SYN3: variants seen among roughly 807,000 people sequenced by gnomAD.
SYN3 encodes synapsin-3.
Under a neutral mutation model 65.8 loss-of-function variants are expected in SYN3, and 35 were observed. The ratio of observed to expected loss-of-function variants is 0.53; its 90% CI spans 0.41 to 0.70. The LOEUF (loss-of-function observed/expected upper bound fraction) is 0.70. SYN3 is among the 30% of genes least tolerant of loss of function. The pLI, the probability that SYN3 is intolerant of heterozygous loss-of-function variation, is 0.00. For missense variants in SYN3, 680 were observed against 749.0 expected (o/e 0.91, Z 1.08); for synonymous variants, 270 against 292.9 (o/e 0.92, Z 0.80).
chr22:32,776,836 G>A (rs1186866415), intron 6 of SYN3, among the ~76,000 whole-genome samples: 5 of 152,164 alleles, frequency 3.3e-5, no homozygotes, highest in Non-Finnish European at 4.4e-5. Context: ...AGCTGGCCAT[G>A]GCAAGGCTAC....
At chr22:33,043,855 C>A (rs2054008964) in intron 1 of SYN3, among the ~76,000 whole-genome samples, 1 of 152,106 alleles carries the variant, frequency 6.6e-6, no homozygotes, top group Non-Finnish European at 1.5e-5. Flanking sequence ...GAGATCGAGA[C>A]CATCCTGGCC....
chr22:32,947,055 G>A (rs142785142), intron 3 of SYN3, among the ~76,000 whole-genome samples: 2 of 152,272 alleles, frequency 1.3e-5, no homozygotes, highest in East Asian at 1.9e-4. Flanking sequence ...CGAATAAATG[G>A]TGGAAAAGGG....
chr22:32,889,048 C>T (rs1480107973), intron 4 of SYN3, among the ~76,000 whole-genome samples: 3 of 152,178 alleles, frequency 2.0e-5, no homozygotes, highest in Non-Finnish European at 4.4e-5. Flanking sequence ...ACATGGCATC[C>T]CAAAGGGTGC....
At chr22:32,768,659 G>A (rs1462417801) in intron 6 of SYN3, among the ~76,000 whole-genome samples, 2 of 150,876 alleles carry the variant, frequency 1.3e-5, no homozygotes, top group East Asian at 3.9e-4. Context: ...TTTTTCTCTT[G>A]GTTGCAAAAA....
At chr22:32,696,490 T>C (rs2060738481) in intron 6 of SYN3, among the ~76,000 whole-genome samples, 1 of 152,238 alleles carries the variant, frequency 6.6e-6, no homozygotes, top group African/African-American at 2.4e-5. Context: ...TTCATTCTTT[T>C]TGTTGCTTTC....
intron 3 of SYN3, among the ~76,000 whole-genome samples, chr22:32,951,501 CA>C (rs1490935485): frequency 6.6e-6 from 1 of 152,232 alleles, no homozygotes; most frequent in Non-Finnish European, 1.5e-5. Flanking sequence ...AGAAGCTCTG[CA>C]GGGCAGAGAT....
intron 1 of SYN3, among the ~76,000 whole-genome samples, chr22:33,023,473 C>T (rs1467427032): frequency 6.6e-6 from 1 of 152,202 alleles, no homozygotes; most frequent in East Asian, 1.9e-4. Flanking sequence ...GTTCATTAAA[C>T]CCCTTTCCTT....
intron 6 of SYN3, among the ~76,000 whole-genome samples, chr22:32,680,488 T>C (rs2060508319): frequency 1.3e-5 from 2 of 152,208 alleles, no homozygotes; most frequent in Non-Finnish European, 2.9e-5. Context: ...GTTTTTCAAA[T>C]CAAGACACCT....
intron 4 of SYN3, among the ~76,000 whole-genome samples, chr22:32,913,510 C>T (rs1241665711): frequency 1.3e-5 from 2 of 151,706 alleles, no homozygotes; most frequent in Non-Finnish European, 2.9e-5. Context: ...CTCTCTGGCT[C>T]CTGTGTAGAG....
intron 3 of SYN3, among the ~76,000 whole-genome samples, chr22:32,936,863 T>C (rs1056754463): frequency 2.6e-5 from 4 of 152,216 alleles, no homozygotes; most frequent in Non-Finnish European, 4.4e-5. Flanking sequence ...GAAAGTCCCA[T>C]GTCTTGGAAA....
intron 6 of SYN3, among the ~76,000 whole-genome samples, chr22:32,729,596 T>C (rs1309397360): frequency 6.6e-6 from 1 of 152,230 alleles, no homozygotes; most frequent in Non-Finnish European, 1.5e-5. Context: ...GTACAAATAC[T>C]TCCTCTTTTA....
At chr22:32,935,350 T>C (rs767170640) in intron 3 of SYN3, among the ~76,000 whole-genome samples, 8 of 151,342 alleles carry the variant, frequency 5.3e-5, no homozygotes, top group Non-Finnish European at 1.2e-4. Flanking sequence ...TATTCACCTA[T>C]ATCGCAAAAA....
chr22:33,000,464 C>G (rs1469998257), intron 2 of SYN3, among the ~76,000 whole-genome samples: 1 of 152,134 alleles, frequency 6.6e-6, no homozygotes, highest in African/African-American at 2.4e-5. Context: ...TCAAGGGACC[C>G]AGGCTGACTC....
In SYN3 at chr22:33,013,027, T is replaced by C. The variant is rs375743606; in HGVS notation, c.-162-6203A>G. Reference sequence around the variant, plus strand: ...TCAACTTAGGCTATGCCGTCATTACTGGAACTGAGCCCCTTCCATTTTTCA... The same window carrying C: ...TCAACTTAGGCTATGCCGTCATTACCGGAACTGAGCCCCTTCCATTTTTCA... On this transcript the variant is annotated intron_variant, in intron 1 of 13. Coordinates refer to ENST00000358763, the MANE Select transcript of SYN3 (RefSeq NM_003490.4). 2.0e-5 allele frequency among the ~76,000 whole-genome samples: 3 copies of C among 152,354 alleles called. No homozygotes were observed. In the East Asian group the frequency reaches 5.8e-4, roughly 29 times the overall value.
chr22:32,678,710 C>T (rs1290808040), intron 6 of SYN3, among the ~76,000 whole-genome samples: 1 of 152,030 alleles, frequency 6.6e-6, no homozygotes, highest in Admixed American at 6.6e-5. Flanking sequence ...AAGCATTTGA[C>T]TAAGGAGCCA....
intron 3 of SYN3, among the ~76,000 whole-genome samples, chr22:32,976,586 G>A (rs2052194687): frequency 1.3e-5 from 2 of 152,138 alleles, no homozygotes; most frequent in South Asian, 2.1e-4. Context: ...TATAAACAGA[G>A]GAGAGTTTGA....
At chr22:32,695,565 G>C (rs2147176077) in intron 6 of SYN3, among the ~76,000 whole-genome samples, 1 of 152,266 alleles carries the variant, frequency 6.6e-6, no homozygotes, top group Non-Finnish European at 1.5e-5. Flanking sequence ...GTCAGTGTGG[G>C]TCACCAGAAA....
At chr22:32,594,750 A>T (rs537953967) in intron 7 of SYN3, among the ~76,000 whole-genome samples, 4 of 152,238 alleles carry the variant, frequency 2.6e-5, no homozygotes, top group Admixed American at 2.6e-4. Flanking sequence ...GGCCTCCCAA[A>T]GTTCTGGGAT....
At chr22:32,908,657 C>A (rs1366851710) in intron 4 of SYN3, among the ~76,000 whole-genome samples, 2 of 152,174 alleles carry the variant, frequency 1.3e-5, no homozygotes, top group Non-Finnish European at 2.9e-5. Flanking sequence ...CACAGCTATA[C>A]TTAATCATAT....
Sources: gnomAD v4.1 joint callset for allele counts (sites outside exome capture counted in the v4.1 genomes callset) on GRCh38, gnomAD v4.1.1 for gene constraint, MANE v1.5 for transcripts, NCBI Gene and HGNC (gene_info 2026-07-23, HGNC 2026-07-21) for gene names.